The following KAT5 variants were observed in gnomAD, a reference collection of about 807,000 sequenced individuals.
KAT5 encodes lysine acetyltransferase 5, also known as histone acetyltransferase KAT5.
In KAT5, 31 loss-of-function variants were observed where a neutral mutation model predicts 68.1. The ratio of observed to expected loss-of-function variants is 0.46; its 90% confidence interval spans 0.34 to 0.61. The LOEUF (loss-of-function observed/expected upper bound fraction) is 0.61. KAT5 is among the 20% of genes least tolerant of loss of function. KAT5 has a pLI of 0.01. For missense variants in KAT5, 451 were observed against 725.5 expected, an observed-to-expected ratio of 0.62 and a Z score of 4.35; for synonymous variants, 365 against 292.6, an observed-to-expected ratio of 1.25 and a Z score of -2.52.
chr11:65,712,182 C>T (rs1040287278), upstream of KAT5: 2 of 1,322,332 alleles, frequency 1.5e-6, no homozygotes, highest in South Asian at 1.9e-5. Flanking sequence ...TCTACAGGGG[C>T]TTCGTGAGGC....
rs774055932 is a variant in KAT5 at position 65,713,456 on chromosome 11, C to A, written c.493C>A (p.Gln165Lys). 1 of 1,614,060 alleles carries A rather than the reference C, an allele frequency of 6.2e-7. No homozygotes were observed. The highest frequency in any genetic ancestry group is 8.5e-7 in the Non-Finnish European group (1 of 1,180,052). Residue 165 changes from glutamine (Q) to lysine (K), a missense_variant, in exon 4 of 13, where the codon CAG (glutamine) becomes AAG (lysine). Coordinates refer to ENST00000341318, the MANE Select transcript of KAT5 (RefSeq NM_182710.3). ...REAIPGGEPDQPLSSSSCLQP... is the reference protein window; with the variant it reads ...REAIPGGEPDKPLSSSSCLQP... ...GGCCATTCCCGGTGGCGAGCCTGAC[C>A]AGCCGCTCTCCTCCAGCTCCTGCCT...
At chr11:65,718,805 C>T in intron 11 of KAT5, 56 bp downstream of exon 11, 1 of 1,613,546 alleles carries the variant, frequency 6.2e-7, no homozygotes, top group Non-Finnish European at 8.5e-7. Flanking sequence ...TGTTCCTGGG[C>T]TTTCTCTCTC....
Position 65,713,827 on chromosome 11 carries a change from G to C in KAT5, c.669G>C (p.Ser223=), listed in dbSNP as rs201879725. Residue 223 remains serine, a synonymous_variant, in exon 6 of 13, where the codon TCG becomes TCC. Transcript: ENST00000341318. ...CCCAGCCAGGACGGAAGCGAAAATC[G>C]AATTGTTTGGGCACTGATGAGGTGG... ...VAAQPGRKRK[S]NCLGTDEDSQ... is the part of the protein sequence containing the mutation. The C allele has an allele frequency of 1.5e-5, 24 of 1,589,918 alleles. No individual in the cohort carries two copies. The highest frequency in any genetic ancestry group is 2.1e-5 in the Non-Finnish European group (24 of 1,167,862).
At chr11:65,718,276 C>G in intron 10 of KAT5, 1 of 264,280 alleles carries the variant, frequency 3.8e-6, no homozygotes, top group Non-Finnish European at 7.3e-6. Flanking sequence ...AAATTGGAGG[C>G]CCCTTCTTCC....
At chr11:65,713,935 A>G in intron 6 of KAT5, 87 bp downstream of exon 6, 1 of 1,219,314 alleles carries the variant, frequency 8.2e-7, no homozygotes, top group Non-Finnish European at 1.2e-6. Flanking sequence ...GAGTTTAAAA[A>G]TAAAGAAGGG....
rs755605852 is a variant in KAT5 at position 65,718,857 on chromosome 11, C to T, written c.1425-16C>T. ...GATAAAGGTCCTCAGGGAACCTGACCTGTGCTCTCCCACAGTGAGATTAGT... is the reference window on the plus strand; with the variant it reads ...GATAAAGGTCCTCAGGGAACCTGACTTGTGCTCTCCCACAGTGAGATTAGT... On this transcript the variant is annotated splice_polypyrimidine_tract_variant and intron_variant, in intron 11 of 12. Coordinates refer to ENST00000341318, the MANE Select transcript of KAT5 (RefSeq NM_182710.3). 13 of 1,613,944 alleles carry T rather than the reference C, an allele frequency of 8.1e-6. No individual in the cohort carries two copies. Among genetic ancestry groups the T allele is most frequent in the East Asian group, 4.5e-5 (2 of 44,890 alleles).
At chr11:65,713,740 A>G (rs1857105463) in intron 5 of KAT5, 34 bp from the exon 6 acceptor site, 4 of 1,613,264 alleles carry the variant, frequency 2.5e-6, no homozygotes, top group African/African-American at 1.3e-5. Context: ...GGCTCATTTC[A>G]CAGCCATCCC....
At chr11:65,715,653 C>T (rs900907432) in intron 8 of KAT5, among the ~76,000 whole-genome samples, 9 of 151,968 alleles carry the variant, frequency 5.9e-5, no homozygotes, top group South Asian at 2.1e-4. Context: ...CCCAGCTACT[C>T]GGGAGGCTGA....
rs980132061 is a variant in KAT5 at position 65,718,933 on chromosome 11, C to T, written c.1485C>T (p.Leu495=). The part of the protein sequence containing the change: ...KEDVISTLQY[L]NLINYYKGQY... ...ATGTCATCTCCACTCTGCAGTACCTCAATCTCATCAACTACTACAAGGTAG... is the reference window on the plus strand; with the variant it reads ...ATGTCATCTCCACTCTGCAGTACCTTAATCTCATCAACTACTACAAGGTAG... Residue 495 remains leucine, a synonymous_variant, in exon 12 of 13, where the codon CTC becomes CTT. Coordinates refer to ENST00000341318, the MANE Select transcript of KAT5 (RefSeq NM_182710.3). The T allele has an allele frequency of 2.5e-6, 4 of 1,614,072 alleles. No homozygotes were observed. The highest frequency in any genetic ancestry group is 1.3e-5 in the African/African-American group (1 of 74,938).
At position 65,712,257 on chromosome 11, in the gene KAT5, A is replaced by C. The variant is rs1857042479; in HGVS notation, c.-11A>C. 5.0e-6 allele frequency: 7 copies of C among 1,406,930 alleles called. No individual in the cohort carries two copies. The highest frequency in any genetic ancestry group is 3.3e-5 in the South Asian group (2 of 59,830). The allele number at this position is 1,406,930 out of a possible 1,614,324, so 87.2% of individuals were successfully genotyped here. A position where few individuals can be genotyped will look rare whatever the true frequency, so the allele number is the denominator to read the frequency against. On this transcript the variant is annotated 5_prime_UTR_variant, in exon 1 of 13. Transcript: ENST00000341318. ...CCAGAGGGGCCGGAAGTGGCAGTGGAGGGAGGGAAGATGGCGGAGGTGGTG... is the reference window on the plus strand; with the variant it reads ...CCAGAGGGGCCGGAAGTGGCAGTGGCGGGAGGGAAGATGGCGGAGGTGGTG...
At chr11:65,712,730 G>GCCTGTCTAAGGCC (rs780955784) in intron 1 of KAT5, 36 bp from the exon 2 acceptor site, 20 of 1,611,104 alleles carry the variant, frequency 1.2e-5, no homozygotes, top group Middle Eastern at 1.7e-4. Flanking sequence ...TCATAGCCTG[G>GCCTGTCTAAGGCC]CCTGTCTAAG....
intron 8 of KAT5, chr11:65,716,416 G>C (rs1013900131): frequency 3.8e-6 from 2 of 532,192 alleles, no homozygotes; most frequent in Admixed American, 3.2e-5. Flanking sequence ...AGCAAGGCGG[G>C]AAACTTGCCT....
Position 65,714,656 on chromosome 11 carries a change from A to C in KAT5, c.852A>C (p.Pro284=), listed in dbSNP as rs754709342. The part of the protein sequence containing the change: ...RLKPWYFSPY[P]QELTTLPVLY... ...AGCCGTGGTACTTCTCCCCGTACCCACAGGAACTCACCACATTGCCTGTCC... is the reference window on the plus strand; with the variant it reads ...AGCCGTGGTACTTCTCCCCGTACCCCCAGGAACTCACCACATTGCCTGTCC... The change falls in exon 7 of 13, where the codon CCA becomes CCC. Residue 284 remains proline (P), a synonymous_variant. Coordinates refer to ENST00000341318, the MANE Select transcript of KAT5 (RefSeq NM_182710.3). The C allele has an allele frequency of 1.2e-6, 2 of 1,614,176 alleles. No homozygotes were observed. Among genetic ancestry groups the C allele is most frequent in the Admixed American group, 3.3e-5 (2 of 60,026 alleles).
upstream of KAT5, chr11:65,712,107 C>T (rs1410618992): frequency 1.6e-6 from 1 of 625,012 alleles, no homozygotes; most frequent in Non-Finnish European, 2.5e-6. Flanking sequence ...ACTCCGTTTT[C>T]CCCCGAGTCA....
intron 10 of KAT5, 138 bp downstream of exon 10, chr11:65,717,120 A>T (rs1857223169): frequency 2.9e-6 from 2 of 694,032 alleles, no homozygotes; most frequent in Non-Finnish European, 5.1e-6. Context: ...TAACAGTGGC[A>T]CTCTCCCGGG....
At position 65,719,531 on chromosome 11, in the gene KAT5, T is replaced by A; in HGVS notation, c.*350T>A. On this transcript the variant is annotated 3_prime_UTR_variant, in exon 13 of 13. Transcript: ENST00000341318. ...TGTAAAGTAGAAGTTGGGGGTGGGG[T>A]GGGTGCTGGCTGCAAAAATTTCTGG... is the stretch of plus-strand genomic sequence containing the variant. The A allele has an allele frequency of 1.6e-6, 1 of 613,160 alleles. No homozygotes were observed. The highest frequency in any genetic ancestry group is 2.9e-6 in the Non-Finnish European group (1 of 348,138). 38.0% of individuals were successfully genotyped at this position (613,160 alleles called of 1,614,324 possible).
At position 65,719,441 on chromosome 11, in the gene KAT5, A is replaced by G; in HGVS notation, c.*260A>G. On this transcript the variant is annotated 3_prime_UTR_variant, in exon 13 of 13. Transcript: ENST00000341318. ...ACCAGAGGGAGCCAGGCAGCTGTGT[A>G]CAGTGAGAAGGGATCCGGATGGGGG... The G allele has an allele frequency of 1.7e-6, 1 of 603,210 alleles. No individual in the cohort carries two copies. The highest frequency in any genetic ancestry group is 2.9e-6 in the Non-Finnish European group (1 of 341,358). The allele number at this position is 603,210 out of a possible 1,614,324, so 37.4% of individuals were successfully genotyped here. A position where few individuals can be genotyped will look rare whatever the true frequency, so the allele number is the denominator to read the frequency against.
intron 10 of KAT5, chr11:65,717,560 C>G (rs1489535000): frequency 1.2e-5 from 2 of 160,932 alleles, no homozygotes; most frequent in South Asian, 1.7e-4. Context: ...CCATCACCCC[C>G]CATTCTGTCT....
At position 65,719,360 on chromosome 11, in the gene KAT5, C is replaced by A; in HGVS notation, c.*179C>A. The A allele has an allele frequency of 1.4e-6, 1 of 737,642 alleles. No individual in the cohort carries two copies. The highest frequency in any genetic ancestry group is 2.2e-6 in the Non-Finnish European group (1 of 462,300). 45.7% of individuals were successfully genotyped at this position (737,642 alleles called of 1,614,324 possible). On this transcript the variant is annotated 3_prime_UTR_variant, in exon 13 of 13. Transcript: ENST00000341318. Reference sequence around the variant, plus strand: ...GCCCAGCACCAAGGCGAGCTCCGGGCTCAGACCAACTCCAAGGTCAGCTGG... The same window carrying A: ...GCCCAGCACCAAGGCGAGCTCCGGGATCAGACCAACTCCAAGGTCAGCTGG...
Sources: allele counts gnomAD v4.1 joint callset (sites outside exome capture counted in the v4.1 genomes callset), GRCh38; gene constraint gnomAD v4.1.1; transcripts MANE v1.5; gene names NCBI Gene and HGNC (gene_info 2026-07-23, HGNC 2026-07-21).